PTPRM: variants seen among roughly 807,000 people sequenced by gnomAD.
PTPRM encodes the protein protein tyrosine phosphatase receptor type M.
PTPRM carries 47 observed loss-of-function variants against 186.7 expected under a neutral mutation model. The observed-to-expected ratio is 0.25, with a 90% CI of 0.20 to 0.32. The LOEUF is 0.32. PTPRM is among the 10% of genes least tolerant of loss of function. The pLI is 1.00. For missense variants in PTPRM, 1,494 were observed against 1,865.0 expected (o/e 0.80, Z 3.66); for synonymous variants, 668 against 674.9 (o/e 0.99, Z 0.16).
intron 11 of PTPRM, among the ~76,000 whole-genome samples, chr18:8,110,131 A>C (rs1191287085): frequency 6.6e-6 from 1 of 152,218 alleles, no homozygotes; most frequent in East Asian, 1.9e-4. Context: ...GGATTATAGC[A>C]TGCTTTCAGA....
intron 1 of PTPRM, among the ~76,000 whole-genome samples, chr18:7,600,350 T>C (rs764451488): frequency 1.3e-5 from 2 of 152,186 alleles, no homozygotes; most frequent in Non-Finnish European, 2.9e-5. Flanking sequence ...TTTTTCATGA[T>C]CATCCTACAG....
At chr18:8,034,437 TCTC>T (rs1183009104) in intron 7 of PTPRM, among the ~76,000 whole-genome samples, 1 of 152,052 alleles carries the variant, frequency 6.6e-6, no homozygotes, top group Non-Finnish European at 1.5e-5. Flanking sequence ...GTGGGCAAAA[TCTC>T]CATTCATCTG....
intron 7 of PTPRM, among the ~76,000 whole-genome samples, chr18:8,026,441 G>A (rs1215725801): frequency 1.3e-5 from 2 of 152,198 alleles, no homozygotes; most frequent in Non-Finnish European, 2.9e-5. Context: ...CAAAATCACA[G>A]TATTGAGAGT....
At position 7,855,139 on chromosome 18, in the gene PTPRM, TGGA is replaced by T. The variant is rs992554159; in HGVS notation, c.197-32962_197-32960del. Among the ~76,000 whole-genome samples the T allele has an allele frequency of 3.3e-4, 50 of 152,156 alleles. 1 individual carries two copies. Among genetic ancestry groups the T allele is most frequent in the Admixed American group, 1.3e-4 (2 of 15,272 alleles). On this transcript the variant is annotated intron_variant, in intron 2 of 32. Coordinates refer to ENST00000580170, the MANE Select transcript of PTPRM (RefSeq NM_001105244.2). ...GTGTTTTCTTCTCCTTCTCCCCTGG[TGGA>T]GGAGAACAGCTGCTTGCTAACCTTC... is the stretch of plus-strand genomic sequence containing the variant.
intron 25 of PTPRM, 46 bp downstream of exon 25, chr18:8,376,246 G>A (rs1456813144): frequency 1.3e-6 from 2 of 1,596,896 alleles, no homozygotes; most frequent in South Asian, 2.2e-5. Context: ...AGTGGGTGAT[G>A]GGTGCAGGGC....
rs377232492 is a variant in PTPRM at position 8,362,986 on chromosome 18, A to G, written c.3055-7904A>G. ...GCCTTGAGTTGAGTTTGTTGTTTAC[A>G]CATCTGTCTCTTAGTGACTATTAGA... On this transcript the variant is annotated intron_variant, in intron 23 of 32. Coordinates refer to ENST00000580170, the MANE Select transcript of PTPRM (RefSeq NM_001105244.2). 2.0e-5 allele frequency among the ~76,000 whole-genome samples: 3 copies of G among 152,212 alleles called. No homozygotes were observed. In the East Asian group the frequency reaches 5.8e-4, roughly 29 times the overall value.
chr18:7,705,290 T>C (rs962559547), intron 1 of PTPRM, among the ~76,000 whole-genome samples: 5 of 131,792 alleles, frequency 3.8e-5, no homozygotes, highest in African/African-American at 1.5e-4. Flanking sequence ...TATCTATCTA[T>C]CTATCTATCT....
intron 14 of PTPRM, among the ~76,000 whole-genome samples, chr18:8,229,566 G>A (rs1265950715): frequency 6.6e-6 from 1 of 152,008 alleles, no homozygotes; most frequent in Admixed American, 6.6e-5. Flanking sequence ...ATGATTCCTT[G>A]AATTTTGTTG....
At chr18:8,110,815 C>G (rs187333816) in intron 11 of PTPRM, among the ~76,000 whole-genome samples, 1 of 152,266 alleles carries the variant, frequency 6.6e-6, no homozygotes, top group Non-Finnish European at 1.5e-5. Context: ...TCGTCTATAA[C>G]TCCCTTGATG....
rs181149920 is a variant in PTPRM at position 8,109,295 on chromosome 18, G to A, written c.1857-4191G>A. On this transcript the variant is annotated intron_variant, in intron 11 of 32. Coordinates refer to ENST00000580170, the MANE Select transcript of PTPRM (RefSeq NM_001105244.2). ...ATTAGCACTTGGGCTTTGATAAAGG[G>A]GACTAGAAAAGAGCTGCTTGACCTT... Among the ~76,000 whole-genome samples the A allele has an allele frequency of 2.3e-3, 350 of 152,262 alleles. 3 individuals carry two copies. Among genetic ancestry groups the A allele is most frequent in the Non-Finnish European group, 7.4e-4 (50 of 68,020 alleles).
intron 19 of PTPRM, among the ~76,000 whole-genome samples, chr18:8,267,976 C>T (rs979650616): frequency 3.3e-5 from 5 of 152,166 alleles, no homozygotes; most frequent in Admixed American, 1.3e-4. Context: ...TTGTCTCCTA[C>T]TAATGTGTCT....
chr18:7,767,002 A>C (rs2042045071), intron 1 of PTPRM, among the ~76,000 whole-genome samples: 1 of 152,192 alleles, frequency 6.6e-6, no homozygotes, highest in African/African-American at 2.4e-5. Flanking sequence ...GGTTGTGAGG[A>C]GTCAATGACA....
chr18:8,179,605 G>A (rs926438532), intron 14 of PTPRM, among the ~76,000 whole-genome samples: 4 of 151,992 alleles, frequency 2.6e-5, no homozygotes, highest in Admixed American at 2.6e-4. Context: ...AGGTAGCTGG[G>A]ACTACAGGCA....
intron 1 of PTPRM, among the ~76,000 whole-genome samples, chr18:7,588,292 G>A (rs1162921328): frequency 2.0e-5 from 3 of 152,172 alleles, no homozygotes; most frequent in African/African-American, 7.2e-5. Context: ...GTCCAACTTT[G>A]TATTTAATTC....
intron 13 of PTPRM, among the ~76,000 whole-genome samples, chr18:8,118,109 T>C (rs1253080146): frequency 3.3e-5 from 5 of 152,226 alleles, no homozygotes; most frequent in Non-Finnish European, 7.3e-5. Flanking sequence ...AAATGTGTTA[T>C]TAGTAAGTTA....
At chr18:8,400,423 G>A (rs1173445363) in intron 32 of PTPRM, among the ~76,000 whole-genome samples, 1 of 152,150 alleles carries the variant, frequency 6.6e-6, no homozygotes, top group African/African-American at 2.4e-5. Context: ...CCCAACTCCC[G>A]GGGGAGCTTT....
At chr18:8,090,793 T>C (rs1600506882) in intron 11 of PTPRM, among the ~76,000 whole-genome samples, 1 of 152,080 alleles carries the variant, frequency 6.6e-6, no homozygotes, top group Non-Finnish European at 1.5e-5. Flanking sequence ...CAGGGTTTCA[T>C]CATGTTGACC....
chr18:8,365,273 C>T (rs1598448742), intron 23 of PTPRM, among the ~76,000 whole-genome samples: 1 of 152,196 alleles, frequency 6.6e-6, no homozygotes, highest in African/African-American at 2.4e-5. Flanking sequence ...CACTTGCACT[C>T]CCTAGGCCTG....
chr18:8,004,168 A>C (rs1250832463), intron 7 of PTPRM, among the ~76,000 whole-genome samples: 1 of 152,164 alleles, frequency 6.6e-6, no homozygotes. Context: ...TCTCTGATTG[A>C]GAGTGCGCTG....
Sources: gnomAD v4.1 joint callset for allele counts (sites outside exome capture counted in the v4.1 genomes callset) on GRCh38, gnomAD v4.1.1 for gene constraint, MANE v1.5 for transcripts, NCBI Gene and HGNC (gene_info 2026-07-23, HGNC 2026-07-21) for gene names.